Variants in TMEM132C observed in about 807,000 individuals in gnomAD.
TMEM132C encodes protein phosphatase 1, regulatory subunit 152.
In TMEM132C, 29 loss-of-function variants were observed where a neutral mutation model predicts 61.4. The ratio of observed to expected loss-of-function variants is 0.47; its 90% CI spans 0.35 to 0.64. The LOEUF is 0.64. Among genes scored for constraint, TMEM132C ranks in the 30% least tolerant of loss-of-function variants. The pLI, the probability that TMEM132C is intolerant of heterozygous loss-of-function variation, is 0.00. For missense variants in TMEM132C, 1,408 were observed against 1,476.9 expected (o/e 0.95, Z 0.76); for synonymous variants, 656 against 633.1 (o/e 1.04, Z -0.54).
At chr12:128,526,570 T>C (rs1565962791) in intron 2 of TMEM132C, among the ~76,000 whole-genome samples, 1 of 152,212 alleles carries the variant, frequency 6.6e-6, no homozygotes, top group Non-Finnish European at 1.5e-5. Context: ...CTTCCGCAGA[T>C]GAAGTTTAGA....
At chr12:128,452,141 T>C (rs1870194441) in intron 2 of TMEM132C, among the ~76,000 whole-genome samples, 1 of 152,082 alleles carries the variant, frequency 6.6e-6, no homozygotes, top group South Asian at 2.1e-4. Flanking sequence ...TCACCCAGGC[T>C]GGAGTACAGT....
At chr12:128,665,557 GCACA>G (rs757779877) in intron 4 of TMEM132C, among the ~76,000 whole-genome samples, 18 of 99,304 alleles carry the variant, frequency 1.8e-4, no homozygotes, top group African/African-American at 5.2e-4. Context: ...AAATACAGGC[GCACA>G]CACACACACA....
chr12:128,500,064 G>T (rs529754336), intron 2 of TMEM132C, among the ~76,000 whole-genome samples: 255 of 152,168 alleles, frequency 1.7e-3, no homozygotes, highest in Non-Finnish European at 3.0e-3. Context: ...CTGTCTTTTG[G>T]ATAAAAGCCA....
At chr12:128,417,439 C>G (rs927753393) in intron 2 of TMEM132C, among the ~76,000 whole-genome samples, 3 of 152,138 alleles carry the variant, frequency 2.0e-5, no homozygotes, top group African/African-American at 4.8e-5. Context: ...AGATGGGGCT[C>G]TTCAGAGAGG....
At position 128,303,547 on chromosome 12, in the gene TMEM132C, TG is replaced by T. The variant is rs1223151080; in HGVS notation, c.85+36061del. ...CTGGTCAACTCAAGCAAATAATATT[TG>T]TGTTTGTCCAATTAACAAAGAGCAA... On this transcript the variant is annotated intron_variant, in intron 1 of 8. Coordinates refer to ENST00000435159, the MANE Select transcript of TMEM132C (RefSeq NM_001136103.3). Among the ~76,000 whole-genome samples, 3 of 152,298 alleles carry T rather than the reference TG, an allele frequency of 2.0e-5. No individual in the cohort carries two copies. In the East Asian group the frequency reaches 5.8e-4, roughly 29 times the overall value.
At chr12:128,680,452 G>A (rs149605058) in intron 5 of TMEM132C, among the ~76,000 whole-genome samples, 60 of 152,318 alleles carry the variant, frequency 3.9e-4, no homozygotes, top group African/African-American at 1.2e-3. Context: ...CCATAGCTGC[G>A]CTGCCCAGTA....
Position 128,346,858 on chromosome 12 carries a change from CTA to C in TMEM132C, c.86-67872_86-67871del, listed in dbSNP as rs1873174523. Among the ~76,000 whole-genome samples, 4 of 152,212 alleles carry C rather than the reference CTA, an allele frequency of 2.6e-5. No homozygotes were observed. In the South Asian group the frequency reaches 8.3e-4, roughly 32 times the overall value. On this transcript the variant is annotated intron_variant, in intron 1 of 8. Transcript: ENST00000435159. ...ATTCTACTGATCTGTATGTCTATCC[CTA>C]TGTTAGTTCCATGAAGTCTTGATCA...
intron 2 of TMEM132C, among the ~76,000 whole-genome samples, chr12:128,507,491 G>A (rs1872413643): frequency 6.7e-6 from 1 of 148,486 alleles, no homozygotes; most frequent in African/African-American, 2.5e-5. Flanking sequence ...TTTCTCCCGA[G>A]GCACTGTCTG....
chr12:128,603,119 A>G (rs1011652604), intron 3 of TMEM132C, among the ~76,000 whole-genome samples: 2 of 152,148 alleles, frequency 1.3e-5, no homozygotes, highest in African/African-American at 4.8e-5. Flanking sequence ...AGGGGTCTTC[A>G]TGACACATTG....
chr12:128,474,667 A>G lies in TMEM132C; in HGVS notation c.974+59047A>G, dbSNP rs554325946. On this transcript the variant is annotated intron_variant, in intron 2 of 8. Coordinates refer to ENST00000435159, the MANE Select transcript of TMEM132C (RefSeq NM_001136103.3). Reference sequence around the variant, plus strand: ...GTTCATTGAAGTGGAGAAAATTCTGACATCCCGGGAGAAGAAATTACAATA... The same window carrying G: ...GTTCATTGAAGTGGAGAAAATTCTGGCATCCCGGGAGAAGAAATTACAATA... Among the ~76,000 whole-genome samples, 35 of 152,296 alleles carry G rather than the reference A, an allele frequency of 2.3e-4. No homozygotes were observed. In the Middle Eastern group the frequency reaches 0.014, roughly 59 times the overall value.
chr12:128,271,314 A>C (rs962441873), intron 1 of TMEM132C, among the ~76,000 whole-genome samples: 20 of 149,218 alleles, frequency 1.3e-4, no homozygotes, highest in Middle Eastern at 3.5e-3. Flanking sequence ...ATAAAATGAA[A>C]TGAAGAGAAA....
chr12:128,452,724 A>G (rs1465192871), intron 2 of TMEM132C, among the ~76,000 whole-genome samples: 1 of 151,748 alleles, frequency 6.6e-6, no homozygotes, highest in Non-Finnish European at 1.5e-5. Context: ...CAAAAACAAA[A>G]CTTAAGGCAA....
chr12:128,348,567 C>T (rs71462489), intron 1 of TMEM132C, among the ~76,000 whole-genome samples: 4,481 of 152,292 alleles, frequency 0.029, 152 homozygotes, highest in African/African-American at 0.078. Context: ...CTGTGGTCCA[C>T]TGAGTGCTTT....
At chr12:128,653,269 A>AG (rs879593764) in intron 4 of TMEM132C, among the ~76,000 whole-genome samples, 2 of 131,772 alleles carry the variant, frequency 1.5e-5, no homozygotes, top group South Asian at 5.4e-4. Flanking sequence ...GGCTGGGAGG[A>AG]GGGGGGGATG....
intron 1 of TMEM132C, among the ~76,000 whole-genome samples, chr12:128,304,070 T>C (rs2135920701): frequency 6.6e-6 from 1 of 152,090 alleles, no homozygotes; most frequent in South Asian, 2.1e-4. Context: ...CCCAACCAAG[T>C]TTGGGGATGA....
chr12:128,691,077 G>A (rs956398414), intron 5 of TMEM132C, among the ~76,000 whole-genome samples: 1 of 152,210 alleles, frequency 6.6e-6, no homozygotes, highest in Non-Finnish European at 1.5e-5. Flanking sequence ...ACAGAAGACA[G>A]ATAAGCAAAT....
At chr12:128,636,594 G>C (rs1954106239) in intron 4 of TMEM132C, among the ~76,000 whole-genome samples, 1 of 151,430 alleles carries the variant, frequency 6.6e-6, no homozygotes, top group African/African-American at 2.4e-5. Context: ...GTGTGTGTGT[G>C]TGTGTGTGTG....
chr12:128,638,911 A>ATGGTGGTGATGG (rs1954123631), intron 4 of TMEM132C, among the ~76,000 whole-genome samples: 1 of 92,608 alleles, frequency 1.1e-5, no homozygotes, highest in African/African-American at 3.7e-5. Context: ...GGTGATGGTG[A>ATGGTGGTGATGG]TGATGGTGGT....
chr12:128,327,010 T>C (rs1278016343), intron 1 of TMEM132C, among the ~76,000 whole-genome samples: 1 of 149,972 alleles, frequency 6.7e-6, no homozygotes, highest in East Asian at 1.9e-4. Context: ...GGTTTTCTTT[T>C]ATCCCCAACC....
Sources: allele counts gnomAD v4.1 joint callset (sites outside exome capture counted in the v4.1 genomes callset), GRCh38; gene constraint gnomAD v4.1.1; transcripts MANE v1.5; gene names NCBI Gene and HGNC (gene_info 2026-07-23, HGNC 2026-07-21).